UPB1: variants seen among roughly 807,000 people sequenced by gnomAD.
UPB1 encodes the protein beta-ureidopropionase.
A neutral mutation model predicts 49.1 loss-of-function variants in UPB1; 40 were observed. That is an observed-to-expected ratio of 0.81 (90% CI 0.63 to 1.06). UPB1 has a LOEUF of 1.06. Ranked by LOEUF, UPB1 falls within the 50% of genes least tolerant of loss-of-function variation. The pLI is 0.00. For missense variants in UPB1, 499 were observed against 505.9 expected (o/e 0.99, Z 0.13); for synonymous variants, 207 against 198.2 (o/e 1.04, Z -0.38).
intron 7 of UPB1, among the ~76,000 whole-genome samples, chr22:24,520,962 C>T (rs1289767047): frequency 6.6e-6 from 1 of 152,044 alleles, no homozygotes; most frequent in Non-Finnish European, 1.5e-5. Flanking sequence ...GCTGGCAGAT[C>T]ACCTGAGGTC....
chr22:24,521,179 CAA>C lies in UPB1; in HGVS notation c.873+730_873+731del, dbSNP rs34276962. Among the ~76,000 whole-genome samples, 40 of 62,650 alleles carry C rather than the reference CAA, an allele frequency of 6.4e-4. No individual in the cohort carries two copies. The South Asian group carries it at 7.1e-3, about 11-fold the overall frequency. 41.1% of individuals were successfully genotyped at this position (62,650 alleles called of 152,430 possible). On this transcript the variant is annotated intron_variant, in intron 7 of 9. Transcript: ENST00000326010. ...CTTGGGTGACAGAGTGAGACTCTGT[CAA>C]AAAAAAAAAAAAAAAAAAGGCCAGG...
chr22:24,500,669 C>T (rs1471650549), intron 2 of UPB1, among the ~76,000 whole-genome samples: 2 of 152,256 alleles, frequency 1.3e-5, no homozygotes, highest in Non-Finnish European at 2.9e-5. Context: ...GTTCTTCTGC[C>T]TTAATCCTCA....
Position 24,500,111 on chromosome 22 carries a change from C to G in UPB1, c.109C>G (p.Leu37Val). 2 of 1,614,202 alleles carry G rather than the reference C, an allele frequency of 1.2e-6. No homozygotes were observed. Among genetic ancestry groups the G allele is most frequent in the African/African-American group, 1.3e-5 (1 of 75,046 alleles). ...RVLYGKELRK[L>V]DLPREAFEAA... Reference sequence around the variant, plus strand: ...TCTTTTTTCCTGCCCATCTAGGAAGCTTGATCTGCCCAGGGAAGCTTTCGA... The same window carrying G: ...TCTTTTTTCCTGCCCATCTAGGAAGGTTGATCTGCCCAGGGAAGCTTTCGA... The change falls in exon 2 of 10, where the codon CTT becomes GTT. Residue 37 changes from leucine (L) to valine (V), a missense_variant. By Grantham distance (32) the Leu-to-Val change is conservative. Transcript: ENST00000326010.
intron 2 of UPB1, 147 bp downstream of exon 2, chr22:24,500,425 C>T (rs1365809138): frequency 7.3e-6 from 7 of 956,500 alleles, no homozygotes; most frequent in Non-Finnish European, 1.1e-5. Context: ...GCCCTGGCCT[C>T]CCCACATCCC....
rs373573512 is a variant in UPB1 at position 24,500,144 on chromosome 22, T to C, written c.142T>C (p.Ser48Pro). 14 of 1,614,204 alleles carry C rather than the reference T, an allele frequency of 8.7e-6. No individual in the cohort carries two copies. The East Asian group carries it at 1.6e-4, about 18-fold the overall frequency. The change falls in exon 2 of 10, where the codon TCC (serine) becomes CCC (proline). Residue 48 changes from serine to proline, a missense_variant. Physicochemically the swap from Ser to Pro is moderately conservative, Grantham distance 74. Transcript: ENST00000326010. Reference protein sequence around the residue: ...DLPREAFEAASREDFELQGYA... With the variant: ...DLPREAFEAAPREDFELQGYA... Reference sequence around the variant, plus strand: ...GCCCAGGGAAGCTTTCGAAGCTGCCTCCAGAGAAGACTTTGAACTGCAGGG... The same window carrying C: ...GCCCAGGGAAGCTTTCGAAGCTGCCCCCAGAGAAGACTTTGAACTGCAGGG...
rs764546743 is a variant in UPB1 at position 24,511,598 on chromosome 22, T to TTATA, written c.459+773_459+776dup. ...TAAAGTGAATCTTATGCTCTGTGAA[T>TTATA]TATATATATATATATATATATTTTT... On this transcript the variant is annotated intron_variant, in intron 4 of 9. Transcript: ENST00000326010. Among the ~76,000 whole-genome samples, 119 of 136,600 alleles carry TTATA rather than the reference T, an allele frequency of 8.7e-4. 2 individuals are homozygous for TTATA. Among genetic ancestry groups the TTATA allele is most frequent in the African/African-American group, 3.2e-3 (115 of 36,408 alleles). 89.6% of individuals were successfully genotyped at this position (136,600 alleles called of 152,430 possible).
Position 24,513,175 on chromosome 22 carries a change from G to A in UPB1, c.460-149G>A. On this transcript the variant is annotated intron_variant, in intron 4 of 9. Transcript: ENST00000326010. ...ATGTGATTCTTATTTAGCAAAGCAT[G>A]GACATCAGGGTATTTAGTGTTCCAA... 2 of 1,084,818 alleles carry A rather than the reference G, an allele frequency of 1.8e-6. 1 individual carries two copies. Among genetic ancestry groups the A allele is most frequent in the South Asian group, 2.7e-5 (2 of 73,404 alleles). 67.2% of individuals were successfully genotyped at this position (1,084,818 alleles called of 1,614,324 possible). A position where few individuals can be genotyped will look rare whatever the true frequency, so the allele number is the denominator to read the frequency against.
rs1312202310 is a variant in UPB1, at chr22:24,526,722, A to C, written c.*928A>C. ...TAGAATTCTTCCCTAGTTTGATTGA[A>C]CTTAAAGGCATCAATGACTCTATTT... On this transcript the variant is annotated 3_prime_UTR_variant, in exon 10 of 10. Coordinates refer to ENST00000326010, the MANE Select transcript of UPB1 (RefSeq NM_016327.3). The C allele has an allele frequency of 6.6e-6, 1 of 152,176 alleles. No homozygotes were observed. The highest frequency in any genetic ancestry group is 1.9e-4 in the East Asian group (1 of 5,204). 9.4% of individuals were successfully genotyped at this position (152,176 alleles called of 1,614,324 possible). A position where few individuals can be genotyped will look rare whatever the true frequency, so the allele number is the denominator to read the frequency against.
rs758666376 is a variant in UPB1, at chr22:24,523,696, C to T, written c.994C>T (p.Arg332Cys). 1.5e-5 allele frequency: 25 copies of T among 1,614,160 alleles called. No homozygotes were observed. The East Asian group carries it at 2.0e-4, about 13-fold the overall frequency. The part of the protein sequence containing the change: ...PDSSRTPGLS[R>C]SRDGLLVAKL... ...CAGCAGCCGGACTCCTGGGCTGTCCCGTAGCCGGGATGGACTGCTAGTTGC... is the reference window on the plus strand; with the variant it reads ...CAGCAGCCGGACTCCTGGGCTGTCCTGTAGCCGGGATGGACTGCTAGTTGC... Residue 332 changes from arginine to cysteine, a missense_variant, in exon 9 of 10, where the codon CGT becomes TGT. Arg to Cys is a radical substitution (Grantham distance 180). Coordinates refer to ENST00000326010, the MANE Select transcript of UPB1 (RefSeq NM_016327.3).
chr22:24,520,073 G>C (rs2044360290), intron 6 of UPB1: 2 of 442,940 alleles, frequency 4.5e-6, no homozygotes, highest in Admixed American at 3.5e-5. Context: ...TCAGGATGAG[G>C]ATTTGATCCA....
chr22:24,509,420 A>G (rs2044156640), intron 3 of UPB1, among the ~76,000 whole-genome samples: 1 of 149,742 alleles, frequency 6.7e-6, no homozygotes. Context: ...AGTCGAATGA[A>G]ATTTCCTACT....
chr22:24,495,806 G>A (rs916569754), intron 1 of UPB1, among the ~76,000 whole-genome samples: 3 of 152,136 alleles, frequency 2.0e-5, no homozygotes, highest in Non-Finnish European at 2.9e-5. Context: ...CCTCCTCCCC[G>A]GAGCCGGGCT....
rs960008602 is a variant in UPB1, at chr22:24,495,493, T to C, written c.90T>C (p.Tyr30=). The C allele has an allele frequency of 1.2e-6, 2 of 1,613,898 alleles. No homozygotes were observed. Among genetic ancestry groups the C allele is most frequent in the Admixed American group, 1.7e-5 (1 of 60,002 alleles). ...PDLQEVKRVL[Y]GKELRKLDLP... ...TGCAGGAAGTGAAGCGCGTTCTCTA[T>C]GGCAAGGAACTCAGGTCCGCAGCCA... The change falls in exon 1 of 10, where the codon TAT becomes TAC. Residue 30 remains tyrosine, a synonymous_variant. Transcript: ENST00000326010.
rs1412105995 is a variant in UPB1 at position 24,521,954 on chromosome 22, TAG to T, written c.874-31_874-30del. 4.3e-6 allele frequency: 7 copies of T among 1,613,232 alleles called. No individual in the cohort carries two copies. The African/African-American group carries it at 8.0e-5, about 18-fold the overall frequency. On this transcript the variant is annotated intron_variant, in intron 7 of 9. Coordinates refer to ENST00000326010, the MANE Select transcript of UPB1 (RefSeq NM_016327.3). ...ATGAGTGTAGTGGTAGTGCCACCTA[TAG>T]GTTCCTCTTACCTTGGTCTTATTTC...
intron 6 of UPB1, among the ~76,000 whole-genome samples, chr22:24,517,402 C>CT (rs1460169534): frequency 6.6e-6 from 1 of 152,250 alleles, no homozygotes; most frequent in Non-Finnish European, 1.5e-5. Flanking sequence ...GGGCCACCCC[C>CT]TAAAGCAGCC....
chr22:24,504,106 A>C (rs1181871593), intron 3 of UPB1, among the ~76,000 whole-genome samples: 1 of 152,222 alleles, frequency 6.6e-6, no homozygotes, highest in Non-Finnish European at 1.5e-5. Context: ...CATGTACAAG[A>C]TGTATCCTGT....
intron 9 of UPB1, among the ~76,000 whole-genome samples, chr22:24,525,216 A>G (rs1456512684): frequency 4.3e-5 from 6 of 139,266 alleles, no homozygotes; most frequent in Non-Finnish European, 9.4e-5. Context: ...GAAAGGAGGG[A>G]GGGAGGGAGG....
intron 3 of UPB1, among the ~76,000 whole-genome samples, chr22:24,509,242 AG>A (rs1175878563): frequency 6.6e-6 from 1 of 152,126 alleles, no homozygotes; most frequent in Non-Finnish European, 1.5e-5. Context: ...AAAGGTCCCA[AG>A]GGCCCACCCC....
At chr22:24,517,525 G>A (rs931449402) in intron 6 of UPB1, among the ~76,000 whole-genome samples, 5 of 152,234 alleles carry the variant, frequency 3.3e-5, no homozygotes, top group African/African-American at 1.2e-4. Flanking sequence ...AGACAAAGTT[G>A]TGGCTGTGGA....
Sources: gnomAD v4.1 joint callset for allele counts (sites outside exome capture counted in the v4.1 genomes callset) on GRCh38, gnomAD v4.1.1 for gene constraint, MANE v1.5 for transcripts, NCBI Gene and HGNC (gene_info 2026-07-23, HGNC 2026-07-21) for gene names.